Variants in RNF152 observed in about 807,000 individuals in gnomAD.
RNF152 encodes the protein E3 ubiquitin-protein ligase RNF152.
RNF152 carries 11 observed loss-of-function variants against 12.7 expected under a neutral mutation model. The ratio of observed to expected loss-of-function variants is 0.86; its 90% CI spans 0.54 to 1.43. The LOEUF (loss-of-function observed/expected upper bound fraction) is 1.43, where lower values mean the gene tolerates loss of function less well. Ranked by LOEUF, RNF152 falls within the 40% of genes most tolerant of loss-of-function variation. The pLI is 0.00. For missense variants in RNF152, 255 were observed against 274.8 expected, an observed-to-expected ratio of 0.93 and a Z score of 0.51; for synonymous variants, 113 against 120.3, an observed-to-expected ratio of 0.94 and a Z score of 0.40.
At chr18:61,841,517 T>C (rs1046405325) in intron 1 of RNF152, among the ~76,000 whole-genome samples, 23 of 152,140 alleles carry the variant, frequency 1.5e-4, no homozygotes, top group African/African-American at 4.8e-4. Flanking sequence ...TTTCCAACCA[T>C]CATTTCAGAC....
chr18:61,843,389 T>C (rs933720353), intron 1 of RNF152, among the ~76,000 whole-genome samples: 1 of 152,234 alleles, frequency 6.6e-6, no homozygotes, highest in Non-Finnish European at 1.5e-5. Flanking sequence ...TAAAACAGTA[T>C]GTCAGTTCCT....
chr18:61,862,133 G>A (rs889042334), intron 1 of RNF152, among the ~76,000 whole-genome samples: 6 of 152,152 alleles, frequency 3.9e-5, no homozygotes, highest in African/African-American at 1.4e-4. Context: ...GGTAGGAATT[G>A]AGGCTTTTTT....
At chr18:61,818,437 AC>A (rs1176814929) in intron 1 of RNF152, among the ~76,000 whole-genome samples, 1 of 152,114 alleles carries the variant, frequency 6.6e-6, no homozygotes, top group African/African-American at 2.4e-5. Flanking sequence ...TAAAAAAAAA[AC>A]AAAAAACAAA....
intron 1 of RNF152, among the ~76,000 whole-genome samples, chr18:61,860,306 G>A (rs1285665220): frequency 6.6e-6 from 1 of 152,216 alleles, no homozygotes; most frequent in Non-Finnish European, 1.5e-5. Flanking sequence ...GCAAGCAACT[G>A]AGGAATCATA....
chr18:61,818,211 T>C (rs1360985610), intron 1 of RNF152, among the ~76,000 whole-genome samples: 1 of 152,152 alleles, frequency 6.6e-6, no homozygotes, highest in Non-Finnish European at 1.5e-5. Flanking sequence ...TCGTTTGAGC[T>C]CAGGAGTTTG....
chr18:61,837,672 T>C (rs1174886908), intron 1 of RNF152, among the ~76,000 whole-genome samples: 1 of 152,198 alleles, frequency 6.6e-6, no homozygotes, highest in East Asian at 1.9e-4. Flanking sequence ...AGATACTTGA[T>C]AGAAGAAAGC....
chr18:61,870,695 A>C (rs1438579710), intron 1 of RNF152, among the ~76,000 whole-genome samples: 2 of 152,106 alleles, frequency 1.3e-5, no homozygotes, highest in Non-Finnish European at 2.9e-5. Context: ...CTATTTTCCT[A>C]CTATGGTTTA....
intron 1 of RNF152, among the ~76,000 whole-genome samples, chr18:61,818,566 T>C (rs1345377758): frequency 1.3e-5 from 2 of 152,230 alleles, no homozygotes; most frequent in Non-Finnish European, 2.9e-5. Flanking sequence ...CTTAAGTTAC[T>C]GAAAGTGAAA....
At chr18:61,849,909 T>A (rs925380670) in intron 1 of RNF152, among the ~76,000 whole-genome samples, 7 of 152,202 alleles carry the variant, frequency 4.6e-5, no homozygotes, top group African/African-American at 1.7e-4. Context: ...CTGGGTAAGT[T>A]CTATCAAGTA....
intron 1 of RNF152, among the ~76,000 whole-genome samples, chr18:61,876,267 C>A (rs187680558): frequency 1.3e-3 from 203 of 152,334 alleles, no homozygotes; most frequent in Non-Finnish European, 2.3e-3. Context: ...TACCACCTGG[C>A]AATTGCATCC....
intron 1 of RNF152, among the ~76,000 whole-genome samples, chr18:61,836,652 C>G (rs1186613235): frequency 6.6e-6 from 1 of 152,112 alleles, no homozygotes; most frequent in East Asian, 1.9e-4. Context: ...GTTCAACCCA[C>G]CCAGTCAATG....
chr18:61,822,578 G>A (rs1311256365), intron 1 of RNF152, among the ~76,000 whole-genome samples: 1 of 152,136 alleles, frequency 6.6e-6, no homozygotes, highest in Non-Finnish European at 1.5e-5. Flanking sequence ...TAGAAGTCTA[G>A]GCATATGAGC....
intron 1 of RNF152, among the ~76,000 whole-genome samples, chr18:61,868,820 G>A (rs963020897): frequency 1.3e-5 from 2 of 152,250 alleles, no homozygotes; most frequent in Non-Finnish European, 1.5e-5. Flanking sequence ...TTATGTGGCA[G>A]AAAGACAGAG....
At chr18:61,846,809 T>C (rs1042152670) in intron 1 of RNF152, among the ~76,000 whole-genome samples, 14 of 152,188 alleles carry the variant, frequency 9.2e-5, no homozygotes, top group African/African-American at 3.1e-4. Flanking sequence ...AATGCACTGA[T>C]ATCTAGAAGC....
At chr18:61,823,772 G>T (rs901002923) in intron 1 of RNF152, among the ~76,000 whole-genome samples, 1 of 152,224 alleles carries the variant, frequency 6.6e-6, no homozygotes. Flanking sequence ...GGTCACCCCA[G>T]GGACTCACCA....
At chr18:61,888,505 ATGAGATATT>A (rs1568298105) in intron 1 of RNF152, 2 of 152,232 alleles carry the variant, frequency 1.3e-5, no homozygotes. Flanking sequence ...AATAAACTAC[ATGAGATATT>A]TGATGCTTTA....
chr18:61,810,853 T>G lies in RNF152; in HGVS notation c.*4999A>C, dbSNP rs1209959121. 2.0e-5 allele frequency: 3 copies of G among 151,852 alleles called. No homozygotes were observed. Among genetic ancestry groups the G allele is most frequent in the African/African-American group, 7.3e-5 (3 of 41,376 alleles). The allele number at this position is 151,852 out of a possible 1,614,324, so 9.4% of individuals were successfully genotyped here. ...AATGATGGAAATGTCAAGGAACAGC[T>G]TCTCTATCTAAGTCAGGGATGACAG... On this transcript the variant is annotated 3_prime_UTR_variant, in exon 2 of 2. Coordinates refer to ENST00000312828, the MANE Select transcript of RNF152 (RefSeq NM_173557.3).
chr18:61,882,874 A>C (rs1247418705), intron 1 of RNF152, among the ~76,000 whole-genome samples: 2 of 152,154 alleles, frequency 1.3e-5, no homozygotes, highest in Non-Finnish European at 2.9e-5. Context: ...CCTCCACCCA[A>C]CCCACACTAC....
Position 61,863,433 on chromosome 18 carries a change from CAA to C in RNF152, c.-136+29360_-136+29361del, listed in dbSNP as rs34663065. Among the ~76,000 whole-genome samples the C allele has an allele frequency of 1.6e-3, 145 of 90,930 alleles. 1 individual carries two copies. The highest frequency in any genetic ancestry group is 0.015 in the East Asian group (46 of 3,052). 59.7% of individuals were successfully genotyped at this position (90,930 alleles called of 152,430 possible). A position where few individuals can be genotyped will look rare whatever the true frequency, so the allele number is the denominator to read the frequency against. ...CTGGCAACAGAGTGAGACTCCGTCT[CAA>C]AAAAAAAAAAAAAAAAAAAGTAGCC... On this transcript the variant is annotated intron_variant, in intron 1 of 1. Coordinates refer to ENST00000312828, the MANE Select transcript of RNF152 (RefSeq NM_173557.3).
Sources: gnomAD v4.1 joint callset for allele counts (sites outside exome capture counted in the v4.1 genomes callset) on GRCh38, gnomAD v4.1.1 for gene constraint, MANE v1.5 for transcripts, NCBI Gene and HGNC (gene_info 2026-07-23, HGNC 2026-07-21) for gene names.